UTRN: variants seen among roughly 807,000 people sequenced by gnomAD.
UTRN encodes the protein dystrophin-related protein 1.
Under a neutral mutation model 463.9 loss-of-function variants are expected in UTRN, and 283 were observed. The observed-to-expected ratio is 0.61, with a 90% CI of 0.55 to 0.67. The LOEUF (loss-of-function observed/expected upper bound fraction) is 0.67. Among genes scored for constraint, UTRN ranks in the 30% least tolerant of loss-of-function variants. The pLI is 0.00. For missense variants in UTRN, 3,922 were observed against 4,084.3 expected (o/e 0.96, Z 1.08); for synonymous variants, 1,442 against 1,431.5 (o/e 1.01, Z -0.17).
At chr6:144,821,440 A>G (rs1465725314) in intron 66 of UTRN, among the ~76,000 whole-genome samples, 1 of 151,952 alleles carries the variant, frequency 6.6e-6, no homozygotes, top group Non-Finnish European at 1.5e-5. Flanking sequence ...ATATAAATTT[A>G]TTAATAATAC....
intron 19 of UTRN, among the ~76,000 whole-genome samples, chr6:144,454,194 G>T (rs1377594965): frequency 6.6e-6 from 1 of 152,156 alleles, no homozygotes; most frequent in Non-Finnish European, 1.5e-5. Context: ...GAATTTGTTT[G>T]CAGGGTGGTA....
At chr6:144,457,722 A>C (rs1004426049) in intron 19 of UTRN, among the ~76,000 whole-genome samples, 1 of 152,234 alleles carries the variant, frequency 6.6e-6, no homozygotes, top group African/African-American at 2.4e-5. Flanking sequence ...TTCAGTAGAC[A>C]CAGTGTATTA....
chr6:144,581,380 C>A (rs1171663860), intron 51 of UTRN, among the ~76,000 whole-genome samples: 1 of 152,244 alleles, frequency 6.6e-6, no homozygotes, highest in South Asian at 2.1e-4. Context: ...TGCTCTGATT[C>A]TTTGCTGGGT....
rs1379505250 is a variant in UTRN at position 144,493,341 on chromosome 6, A to G, written c.4478A>G (p.Glu1493Gly). 2 of 1,614,160 alleles carry G rather than the reference A, an allele frequency of 1.2e-6. No individual in the cohort carries two copies. The highest frequency in any genetic ancestry group is 2.7e-5 in the African/African-American group (2 of 75,044). Reference sequence around the variant, plus strand: ...TTGAGTGAAGTCAAACTTGAAGTGGAAACTGTGATTAAAACAGGAAGACAT... The same window carrying G: ...TTGAGTGAAGTCAAACTTGAAGTGGGAACTGTGATTAAAACAGGAAGACAT... ...KTLSEVKLEV[E>G]TVIKTGRHIV... is the part of the protein sequence containing the mutation. The change falls in exon 33 of 75, where the codon GAA becomes GGA. Residue 1493 changes from glutamate to glycine, a missense_variant. Glu to Gly is a moderately conservative substitution (Grantham distance 98, BLOSUM62 -2). This residue lies in a region of UTRN where 2,349 missense variants were observed against 2,303.8 expected (regional missense o/e 1.02). Coordinates refer to ENST00000367545, the MANE Select transcript of UTRN (RefSeq NM_007124.3).
chr6:144,463,818 A>G (rs374644204), intron 23 of UTRN, among the ~76,000 whole-genome samples: 1 of 151,608 alleles, frequency 6.6e-6, no homozygotes, highest in South Asian at 2.1e-4. Context: ...ATCTATCTAT[A>G]TATATAGATA....
chr6:144,566,333 G>C (rs986380412), intron 50 of UTRN, among the ~76,000 whole-genome samples: 11 of 152,152 alleles, frequency 7.2e-5, no homozygotes, highest in Non-Finnish European at 2.9e-5. Context: ...ATATGGTATT[G>C]CTGGGCAGTA....
chr6:144,488,716 T>A lies in UTRN; in HGVS notation c.4016T>A (p.Leu1339Gln). 1 of 1,613,458 alleles carries A rather than the reference T, an allele frequency of 6.2e-7. No homozygotes were observed. Among genetic ancestry groups the A allele is most frequent in the Non-Finnish European group, 8.5e-7 (1 of 1,179,624 alleles). Residue 1339 changes from leucine to glutamine, a missense_variant, in exon 30 of 75, where the codon CTG becomes CAG. Leu to Gln is a moderately radical substitution (Grantham distance 113). This residue lies in a region of UTRN where 2,349 missense variants were observed against 2,303.8 expected (regional missense o/e 1.02). Coordinates refer to ENST00000367545, the MANE Select transcript of UTRN (RefSeq NM_007124.3). ...TCTTTGGAAAAGCAACTCCAGGTGCTGCGGGAAACTGACCAGATGCTTCAA... is the reference window on the plus strand; with the variant it reads ...TCTTTGGAAAAGCAACTCCAGGTGCAGCGGGAAACTGACCAGATGCTTCAA... ...QISLEKQLQV[L>Q]RETDQMLQVL...
At position 144,588,390 on chromosome 6, in the gene UTRN, A is replaced by G. The variant is rs554024148; in HGVS notation, c.7479+11102A>G. On this transcript the variant is annotated intron_variant, in intron 51 of 74. Transcript: ENST00000367545. Reference sequence around the variant, plus strand: ...GTCAATATAATTAGCTAAAAACAGTATAATTAGATCTGATGCAATGCTTTG... The same window carrying G: ...GTCAATATAATTAGCTAAAAACAGTGTAATTAGATCTGATGCAATGCTTTG... Among the ~76,000 whole-genome samples the G allele has an allele frequency of 2.2e-3, 338 of 152,354 alleles. 2 individuals carry two copies. The highest frequency in any genetic ancestry group is 7.6e-3 in the African/African-American group (316 of 41,590).
At chr6:144,771,678 G>A (rs539349914) in intron 58 of UTRN, among the ~76,000 whole-genome samples, 1 of 151,904 alleles carries the variant, frequency 6.6e-6, no homozygotes, top group Non-Finnish European at 1.5e-5. Context: ...CACCTGCCTC[G>A]GCCTCCCAAA....
chr6:144,567,277 G>T (rs1800494919), intron 50 of UTRN, among the ~76,000 whole-genome samples: 1 of 152,176 alleles, frequency 6.6e-6, no homozygotes, highest in South Asian at 2.1e-4. Flanking sequence ...TCTAGAGCAT[G>T]GTGGAAGAAG....
intron 2 of UTRN, among the ~76,000 whole-genome samples, chr6:144,356,757 G>A (rs539084167): frequency 3.7e-4 from 57 of 152,230 alleles, no homozygotes; most frequent in African/African-American, 1.3e-3. Context: ...AGGCAGAGGC[G>A]GAGGCTGCAG....
intron 56 of UTRN, among the ~76,000 whole-genome samples, chr6:144,753,611 C>T (rs1356682048): frequency 2.0e-4 from 29 of 141,718 alleles, no homozygotes; most frequent in South Asian, 2.3e-4. Context: ...AGAGTGAGAC[C>T]CTGTCTTTAA....
Position 144,290,405 on chromosome 6 carries a change from A to G in UTRN, c.-92-1332A>G, listed in dbSNP as rs527691597. 1.1e-4 allele frequency among the ~76,000 whole-genome samples: 16 copies of G among 152,246 alleles called. No homozygotes were observed. The East Asian group carries it at 2.5e-3, about 24-fold the overall frequency. Reference sequence around the variant, plus strand: ...CTGACAGTTTTGAAGAAACCAGGCCATTTCTTTTGAAAACTAGCCACAGTC... The same window carrying G: ...CTGACAGTTTTGAAGAAACCAGGCCGTTTCTTTTGAAAACTAGCCACAGTC... On this transcript the variant is annotated intron_variant, in intron 1 of 74. Coordinates refer to ENST00000367545, the MANE Select transcript of UTRN (RefSeq NM_007124.3).
chr6:144,301,129 T>C (rs907993831), intron 2 of UTRN, among the ~76,000 whole-genome samples: 1 of 152,120 alleles, frequency 6.6e-6, no homozygotes, highest in Non-Finnish European at 1.5e-5. Context: ...TTCCTTTAGG[T>C]GATTAGAAAA....
rs1053368989 is a variant in UTRN at position 144,530,752 on chromosome 6, GTGTA to G, written c.5907-296_5907-293del. Among the ~76,000 whole-genome samples the G allele has an allele frequency of 6.1e-4, 92 of 152,034 alleles. 1 individual carries two copies. The highest frequency in any genetic ancestry group is 1.3e-4 in the Non-Finnish European group (9 of 67,992). ...TGTGTGTGTGAGTGTGTTTGTGAGTGTGTATGTGAGTGTGCATGTGTGTATACGT... is the reference window on the plus strand; with the variant it reads ...TGTGTGTGTGAGTGTGTTTGTGAGTGTGTGAGTGTGCATGTGTGTATACGT... On this transcript the variant is annotated intron_variant, in intron 41 of 74. Transcript: ENST00000367545.
chr6:144,481,778 C>T (rs751553854), intron 26 of UTRN, among the ~76,000 whole-genome samples: 19 of 152,246 alleles, frequency 1.2e-4, no homozygotes, highest in Non-Finnish European at 2.5e-4. Flanking sequence ...CTCAACTGGG[C>T]TGGGTGCAGT....
intron 51 of UTRN, among the ~76,000 whole-genome samples, chr6:144,578,201 C>T (rs1801628489): frequency 6.6e-6 from 1 of 152,134 alleles, no homozygotes; most frequent in Non-Finnish European, 1.5e-5. Flanking sequence ...AGACTCTGTC[C>T]ACTCCCAAAG....
At chr6:144,783,384 T>C (rs1776023809) in intron 61 of UTRN, among the ~76,000 whole-genome samples, 2 of 152,196 alleles carry the variant, frequency 1.3e-5, no homozygotes, top group Non-Finnish European at 2.9e-5. Flanking sequence ...AAGTAAATAA[T>C]GATGACAGTA....
At chr6:144,636,716 A>G (rs1349295270) in intron 51 of UTRN, among the ~76,000 whole-genome samples, 1 of 152,218 alleles carries the variant, frequency 6.6e-6, no homozygotes, top group Non-Finnish European at 1.5e-5. Context: ...CTCCAGTGCT[A>G]TACATTGGGA....
Sources: gnomAD v4.1 joint callset for allele counts (sites outside exome capture counted in the v4.1 genomes callset) on GRCh38, gnomAD v4.1.1 for gene constraint, gnomAD v4.1.1 regional missense constraint, MANE v1.5 for transcripts, NCBI Gene and HGNC (gene_info 2026-07-23, HGNC 2026-07-21) for gene names.